The following IL10RB variants were observed in gnomAD, a reference collection of about 807,000 sequenced individuals.
IL10RB encodes interleukin-10 receptor subunit beta.
Under a neutral mutation model 38.7 loss-of-function variants are expected in IL10RB, and 30 were observed. That is an observed-to-expected ratio of 0.78 (90% CI 0.58 to 1.05). IL10RB has a LOEUF of 1.05. Among genes scored for constraint, IL10RB ranks in the 50% least tolerant of loss-of-function variants. The pLI is 0.00. For missense variants in IL10RB, 328 were observed against 397.1 expected (o/e 0.83, Z 1.48); for synonymous variants, 142 against 145.9 (o/e 0.97, Z 0.19).
chr21:33,281,997 T>C (rs1989288758), intron 4 of IL10RB, among the ~76,000 whole-genome samples: 1 of 152,164 alleles, frequency 6.6e-6, no homozygotes, highest in Non-Finnish European at 1.5e-5. Flanking sequence ...CTGAGTTTAA[T>C]CTTTGAAAAA....
intron 2 of IL10RB, among the ~76,000 whole-genome samples, chr21:33,268,951 G>A (rs1989024434): frequency 6.6e-6 from 1 of 152,116 alleles, no homozygotes; most frequent in South Asian, 2.1e-4. Flanking sequence ...ACTGAGATAT[G>A]CAAAGCGGTC....
chr21:33,289,192 G>T (rs979202270), intron 6 of IL10RB, among the ~76,000 whole-genome samples: 1 of 152,248 alleles, frequency 6.6e-6, no homozygotes, highest in Non-Finnish European at 1.5e-5. Context: ...AAGCTAGGGT[G>T]AGAGGTGAGA....
chr21:33,287,952 C>T, intron 5 of IL10RB, 152 bp from the exon 6 acceptor site: 2 of 787,888 alleles, frequency 2.5e-6, no homozygotes, highest in Non-Finnish European at 2.2e-6. Context: ...CTTCAAAAAC[C>T]TCTGGGTCCT....
At position 33,288,164 on chromosome 21, in the gene IL10RB, T is replaced by C. The variant is rs752218442; in HGVS notation, c.707T>C (p.Leu236Pro). 27 of 1,614,014 alleles carry C rather than the reference T, an allele frequency of 1.7e-5. No homozygotes were observed. The highest frequency in any genetic ancestry group is 3.3e-4 in the Middle Eastern group (2 of 6,084). ...ATGGCCTCGGTCTTCATGGTCTGCC[T>C]GGCACTCCTCGGCTGCTTCGCCTTG... ...ILMASVFMVC[L>P]ALLGCFALLW... The change falls in exon 6 of 7, where the codon CTG (leucine) becomes CCG (proline). Residue 236 changes from leucine to proline, a missense_variant. Coordinates refer to ENST00000290200, the MANE Select transcript of IL10RB (RefSeq NM_000628.5).
At position 33,266,430 on chromosome 21, in the gene IL10RB, G is replaced by A. The variant is rs765364000; in HGVS notation, c.-36G>A. ...TCCCGGGCGCGGGCGGGGGTCGTGT[G>A]CTTGGAGGAAGCCGCGGAACCCCCA... On this transcript the variant is annotated 5_prime_UTR_variant, in exon 1 of 7. Transcript: ENST00000290200. 11 of 1,539,186 alleles carry A rather than the reference G, an allele frequency of 7.1e-6. No homozygotes were observed. Among genetic ancestry groups the A allele is most frequent in the Admixed American group, 3.9e-5 (2 of 50,942 alleles).
intron 4 of IL10RB, among the ~76,000 whole-genome samples, chr21:33,281,903 C>T (rs1013594653): frequency 6.6e-6 from 1 of 152,070 alleles, no homozygotes; most frequent in African/African-American, 2.4e-5. Flanking sequence ...CCAGAAGTTG[C>T]CCAGACGTGA....
At chr21:33,295,123 T>C (rs1006691515) in intron 6 of IL10RB, among the ~76,000 whole-genome samples, 1 of 152,134 alleles carries the variant, frequency 6.6e-6, no homozygotes, top group Non-Finnish European at 1.5e-5. Flanking sequence ...CCCAGCATTT[T>C]GGGAGGCCAA....
intron 4 of IL10RB, among the ~76,000 whole-genome samples, chr21:33,281,106 C>T (rs1400835702): frequency 6.6e-6 from 1 of 152,220 alleles, no homozygotes; most frequent in African/African-American, 2.4e-5. Flanking sequence ...ATGTAAACAG[C>T]TCCCTTGCTG....
Position 33,294,711 on chromosome 21 carries a change from G to A in IL10RB, c.805-1473G>A, listed in dbSNP as rs1989556754. Among the ~76,000 whole-genome samples, 3 of 152,204 alleles carry A rather than the reference G, an allele frequency of 2.0e-5. No homozygotes were observed. The South Asian group carries it at 6.2e-4, about 31-fold the overall frequency. On this transcript the variant is annotated intron_variant, in intron 6 of 6. Transcript: ENST00000290200. Reference sequence around the variant, plus strand: ...ATTAAGTCATACCAGAAGGCTGAGTGTAGAAATGACATTAAGAGGGGTTCC... The same window carrying A: ...ATTAAGTCATACCAGAAGGCTGAGTATAGAAATGACATTAAGAGGGGTTCC...
At chr21:33,267,861 C>A in intron 1 of IL10RB, 1 of 183,700 alleles carries the variant, frequency 5.4e-6, no homozygotes, top group Non-Finnish European at 1.2e-5. Context: ...ATTTCTGTCT[C>A]TAGCCCACAT....
At position 33,296,628 on chromosome 21, in the gene IL10RB, A is replaced by G. The variant is rs895990590; in HGVS notation, c.*271A>G. ...GAGAGTGTAATTTTCAGCCTTTTAT[A>G]TCACTAAAATAAGATCATGTTTTAA... On this transcript the variant is annotated 3_prime_UTR_variant, in exon 7 of 7. Coordinates refer to ENST00000290200, the MANE Select transcript of IL10RB (RefSeq NM_000628.5). 3.4e-6 allele frequency: 2 copies of G among 586,286 alleles called. No individual in the cohort carries two copies. Among genetic ancestry groups the G allele is most frequent in the African/African-American group, 3.7e-5 (2 of 54,286 alleles). 36.3% of individuals were successfully genotyped at this position (586,286 alleles called of 1,614,324 possible). A position where few individuals can be genotyped will look rare whatever the true frequency, so the allele number is the denominator to read the frequency against.
downstream of IL10RB, among the ~76,000 whole-genome samples, chr21:33,299,260 G>T (rs2082979413): frequency 6.6e-6 from 1 of 152,092 alleles, no homozygotes; most frequent in Non-Finnish European, 1.5e-5. Flanking sequence ...ATAAGACAAT[G>T]AATCTTGGGT....
At chr21:33,271,861 G>A (rs1180214455) in intron 2 of IL10RB, among the ~76,000 whole-genome samples, 1 of 152,186 alleles carries the variant, frequency 6.6e-6, no homozygotes, top group African/African-American at 2.4e-5. Flanking sequence ...GGGGGCCAAG[G>A]TAGGATAATC....
At chr21:33,294,879 A>G (rs1989560787) in intron 6 of IL10RB, among the ~76,000 whole-genome samples, 1 of 152,240 alleles carries the variant, frequency 6.6e-6, no homozygotes, top group Admixed American at 6.5e-5. Flanking sequence ...GTATAGGGGC[A>G]TCTTCATCGT....
intron 6 of IL10RB, among the ~76,000 whole-genome samples, chr21:33,294,473 T>C (rs181971516): frequency 2.0e-4 from 31 of 152,158 alleles, no homozygotes; most frequent in African/African-American, 7.0e-4. Flanking sequence ...TGATCTCTCC[T>C]GTCCCCATTA....
intron 1 of IL10RB, among the ~76,000 whole-genome samples, chr21:33,306,754 C>G (rs2083000034): frequency 6.6e-6 from 1 of 152,084 alleles, no homozygotes; most frequent in Admixed American, 6.6e-5. Context: ...CCAGGCTGGT[C>G]TTGAACTCCT....
intron 4 of IL10RB, among the ~76,000 whole-genome samples, chr21:33,281,434 A>G (rs1240823637): frequency 6.6e-6 from 1 of 152,178 alleles, no homozygotes; most frequent in Non-Finnish European, 1.5e-5. Context: ...TTTCTCACAC[A>G]TGCCCACAAC....
intron 1 of IL10RB, among the ~76,000 whole-genome samples, chr21:33,305,458 C>T (rs1179464655): frequency 3.9e-5 from 6 of 152,272 alleles, no homozygotes; most frequent in Non-Finnish European, 7.4e-5. Flanking sequence ...GCAAAGGTCA[C>T]TCTCACTTCC....
chr21:33,291,067 G>C (rs1239391772), intron 6 of IL10RB, among the ~76,000 whole-genome samples: 1 of 152,114 alleles, frequency 6.6e-6, no homozygotes, highest in African/African-American at 2.4e-5. Flanking sequence ...GCATCACCCA[G>C]TCTCTGCCTT....
Sources: gnomAD v4.1 joint callset for allele counts (sites outside exome capture counted in the v4.1 genomes callset) on GRCh38, gnomAD v4.1.1 for gene constraint, MANE v1.5 for transcripts, NCBI Gene and HGNC (gene_info 2026-07-23, HGNC 2026-07-21) for gene names.